The following RAB36 variants were observed in gnomAD, a reference collection of about 807,000 sequenced individuals.
The protein encoded by RAB36 is ras-related protein Rab-36.
In RAB36, 33 loss-of-function variants were observed where a neutral mutation model predicts 39.3. The ratio of observed to expected loss-of-function variants is 0.84; its 90% CI spans 0.64 to 1.12. RAB36 has a LOEUF of 1.12. RAB36 is among the 50% of genes most tolerant of loss of function. RAB36 has a pLI of 0.00. For missense variants in RAB36, 308 were observed against 355.3 expected, an observed-to-expected ratio of 0.87 and a Z score of 1.07; for synonymous variants, 133 against 140.2, an observed-to-expected ratio of 0.95 and a Z score of 0.36.
rs374946011 is a variant in RAB36, at chr22:23,146,700, C to T, written c.69+15C>T. 52 of 1,613,076 alleles carry T rather than the reference C, an allele frequency of 3.2e-5. No homozygotes were observed. The highest frequency in any genetic ancestry group is 2.6e-4 in the South Asian group (24 of 91,064). ...GCTTCCCTAAGGTAGAGAGTCATTACGTCTGCAGTGCTCTCCTGGCCCTGC... is the reference window on the plus strand; with the variant it reads ...GCTTCCCTAAGGTAGAGAGTCATTATGTCTGCAGTGCTCTCCTGGCCCTGC... On this transcript the variant is annotated intron_variant, in intron 2 of 10. Transcript: ENST00000263116.
chr22:23,155,909 A>G, intron 5 of RAB36, 59 bp from the exon 6 acceptor site: 1 of 1,498,756 alleles, frequency 6.7e-7, no homozygotes, highest in Non-Finnish European at 9.0e-7. Flanking sequence ...CTGTTGGCTC[A>G]AGACACTGTG....
chr22:23,156,661 T>C (rs558817992), intron 6 of RAB36, among the ~76,000 whole-genome samples: 2 of 152,250 alleles, frequency 1.3e-5, no homozygotes, highest in Non-Finnish European at 2.9e-5. Context: ...AAGGCACCGA[T>C]ATGTCTACTC....
rs377288938 is a variant in RAB36 at position 23,150,120 on chromosome 22, G to T, written c.127G>T (p.Ala43Ser). 2.5e-6 allele frequency: 4 copies of T among 1,612,442 alleles called. No individual in the cohort carries two copies. The highest frequency in any genetic ancestry group is 2.2e-5 in the South Asian group (2 of 90,756). The change falls in exon 3 of 11, where the codon GCT (alanine) becomes TCT (serine). Residue 43 changes from alanine (A) to serine (S), a missense_variant. Physicochemically the swap from Ala to Ser is moderately conservative, Grantham distance 99. Coordinates refer to ENST00000263116, the MANE Select transcript of RAB36 (RefSeq NM_004914.5). The part of the protein sequence containing the change: ...LREHFHGQVS[A>S]ACQRRNTGTV... Reference sequence around the variant, plus strand: ...GGAGCACTTCCACGGGCAGGTCAGCGCTGCCTGCCAACGCAGGAACACGGG... The same window carrying T: ...GGAGCACTTCCACGGGCAGGTCAGCTCTGCCTGCCAACGCAGGAACACGGG...
intron 9 of RAB36, among the ~76,000 whole-genome samples, chr22:23,160,323 C>CAT (rs1303759819): frequency 0.015 from 2,349 of 152,292 alleles, 62 homozygotes; most frequent in African/African-American, 0.053. Context: ...CCAAGCAGGA[C>CAT]TGCCCTATGC....
intron 8 of RAB36, 57 bp downstream of exon 8, chr22:23,159,036 AG>A: frequency 6.3e-7 from 1 of 1,589,626 alleles, no homozygotes; most frequent in Non-Finnish European, 8.6e-7. Context: ...CTCCCCTTAC[AG>A]CCCTCATTGG....
chr22:23,160,521 T>C (rs5759608), intron 9 of RAB36, among the ~76,000 whole-genome samples: 77,848 of 152,030 alleles, frequency 0.51, 20,105 homozygotes, highest in East Asian at 0.65. Flanking sequence ...GGCAGGCACA[T>C]ATCTGTCCTG....
At chr22:23,161,213 T>A (rs983635938) in intron 10 of RAB36, among the ~76,000 whole-genome samples, 7 of 152,136 alleles carry the variant, frequency 4.6e-5, no homozygotes, top group Non-Finnish European at 7.4e-5. Flanking sequence ...CTCCCTGTTC[T>A]CCTGACACAT....
chr22:23,166,019 A>G (rs532603701), downstream of RAB36, among the ~76,000 whole-genome samples: 15 of 151,884 alleles, frequency 9.9e-5, no homozygotes, highest in South Asian at 2.9e-3. Context: ...GGTGGCACGC[A>G]CCTGTAGTCC....
chr22:23,157,468 C>T (rs998908187), intron 6 of RAB36, among the ~76,000 whole-genome samples: 3 of 152,054 alleles, frequency 2.0e-5, no homozygotes, highest in Admixed American at 6.5e-5. Flanking sequence ...ACTGTGTTAG[C>T]CAGGATGGTC....
intron 3 of RAB36, among the ~76,000 whole-genome samples, chr22:23,152,136 A>G (rs941670157): frequency 1.9e-4 from 29 of 152,164 alleles, no homozygotes; most frequent in African/African-American, 7.0e-4. Flanking sequence ...TTGGTTGGTT[A>G]CCACAGCCAC....
Position 23,150,170 on chromosome 22 carries a change from G to T in RAB36, c.161+16G>T. 6.3e-7 allele frequency: 1 copy of T among 1,594,668 alleles called. No individual in the cohort carries two copies. The highest frequency in any genetic ancestry group is 1.1e-5 in the South Asian group (1 of 89,646). On this transcript the variant is annotated intron_variant, in intron 3 of 10. Coordinates refer to ENST00000263116, the MANE Select transcript of RAB36 (RefSeq NM_004914.5). Reference sequence around the variant, plus strand: ...GGACTGTCGGGTGAGCCTGCAGGGTGTGGGATGGGGGAGCAGGTGGCAAGA... The same window carrying T: ...GGACTGTCGGGTGAGCCTGCAGGGTTTGGGATGGGGGAGCAGGTGGCAAGA...
chr22:23,164,181 T>C lies in RAB36; in HGVS notation c.*2617T>C, dbSNP rs2071972533. On this transcript the variant is annotated 3_prime_UTR_variant, in exon 11 of 11. Transcript: ENST00000263116. ...ACGGGAGAACCTGCCCATGGTGGAC[T>C]GTCGTTCTCCACAGCTCCCTTCCCT... 6.6e-6 allele frequency: 1 copy of C among 152,274 alleles called. No homozygotes were observed. The highest frequency in any genetic ancestry group is 1.5e-5 in the Non-Finnish European group (1 of 68,058). The allele number at this position is 152,274 out of a possible 1,614,324, so 9.4% of individuals were successfully genotyped here.
chr22:23,153,552 T>G (rs904941785), intron 5 of RAB36: 9 of 985,108 alleles, frequency 9.1e-6, no homozygotes, highest in Non-Finnish European at 1.1e-5. Context: ...ATCCAGTCCC[T>G]GCATGCCAGG....
rs747110184 is a variant in RAB36 at position 23,146,695 on chromosome 22, C to G, written c.69+10C>G. On this transcript the variant is annotated intron_variant, in intron 2 of 10. Coordinates refer to ENST00000263116, the MANE Select transcript of RAB36 (RefSeq NM_004914.5). ...CGCCAGCTTCCCTAAGGTAGAGAGT[C>G]ATTACGTCTGCAGTGCTCTCCTGGC... 1.2e-6 allele frequency: 2 copies of G among 1,613,572 alleles called. No individual in the cohort carries two copies. Among genetic ancestry groups the G allele is most frequent in the East Asian group, 4.5e-5 (2 of 44,872 alleles).
rs2071934354 is a variant in RAB36, at chr22:23,163,606, G to GCCCCA, written c.*2046_*2047insACCCC. The GCCCCA allele has an allele frequency of 8.0e-6, 1 of 125,234 alleles. No individual in the cohort carries two copies. Among genetic ancestry groups the GCCCCA allele is most frequent in the Non-Finnish European group, 1.8e-5 (1 of 55,740 alleles). 7.8% of individuals were successfully genotyped at this position (125,234 alleles called of 1,614,324 possible). A position where few individuals can be genotyped will look rare whatever the true frequency, so the allele number is the denominator to read the frequency against. On this transcript the variant is annotated 3_prime_UTR_variant, in exon 11 of 11. Transcript: ENST00000263116. ...AAAGCATATAAAATACAAGGTGAAA[G>GCCCCA]CCCCCCCCCCGCCACATTAGCTGCG...
rs2071979407 is a variant in RAB36 at position 23,164,311 on chromosome 22, TG to T, written c.*2748del. ...ACTGCCTCACGTACACCCCCACCTC[TG>T]TAAATGGTCCTTGATTAAATCGTCC... On this transcript the variant is annotated 3_prime_UTR_variant, in exon 11 of 11. Coordinates refer to ENST00000263116, the MANE Select transcript of RAB36 (RefSeq NM_004914.5). 1 of 152,276 alleles carries T rather than the reference TG, an allele frequency of 6.6e-6. No individual in the cohort carries two copies. Among genetic ancestry groups the T allele is most frequent in the Non-Finnish European group, 1.5e-5 (1 of 68,056 alleles). The allele number at this position is 152,276 out of a possible 1,614,324, so 9.4% of individuals were successfully genotyped here.
downstream of RAB36, among the ~76,000 whole-genome samples, chr22:23,168,698 C>A (rs1303871391): frequency 2.6e-5 from 4 of 152,182 alleles, no homozygotes; most frequent in African/African-American, 9.7e-5. Context: ...CCCTTCCTGG[C>A]CTCCTCCCCT....
intron 7 of RAB36, 36 bp downstream of exon 7, chr22:23,158,079 G>T: frequency 6.2e-7 from 1 of 1,612,386 alleles, no homozygotes; most frequent in Non-Finnish European, 8.5e-7. Flanking sequence ...CAGTCTCCCT[G>T]GGCTCAGGAA....
intron 2 of RAB36, among the ~76,000 whole-genome samples, chr22:23,147,883 A>T (rs1381883536): frequency 6.6e-6 from 1 of 152,240 alleles, no homozygotes; most frequent in African/African-American, 2.4e-5. Flanking sequence ...AGGGCATGGA[A>T]CAGAGTGCAG....
Sources: allele counts gnomAD v4.1 joint callset (sites outside exome capture counted in the v4.1 genomes callset), GRCh38; gene constraint gnomAD v4.1.1; transcripts MANE v1.5; gene names NCBI Gene and HGNC (gene_info 2026-07-23, HGNC 2026-07-21).